GSTM4: variants seen among roughly 807,000 people sequenced by gnomAD.
GSTM4 encodes the protein GST class-mu 4.
A neutral mutation model predicts 30.1 loss-of-function variants in GSTM4; 27 were observed. The observed-to-expected ratio is 0.90, with a 90% confidence interval of 0.66 to 1.24. The LOEUF (loss-of-function observed/expected upper bound fraction) is 1.24, where lower values mean the gene tolerates loss of function less well. Ranked by LOEUF, GSTM4 falls within the 50% of genes most tolerant of loss-of-function variation. The pLI is 0.00. For synonymous variants in GSTM4, 94 were observed against 96.2 expected (o/e 0.98, Z 0.13); for missense variants, 238 against 272.1 (o/e 0.87, Z 0.88).
downstream of GSTM4, among the ~76,000 whole-genome samples, chr1:109,663,395 C>T (rs1056637933): frequency 6.6e-6 from 1 of 152,064 alleles, no homozygotes; most frequent in Non-Finnish European, 1.5e-5. Context: ...TGGCCAGGTG[C>T]GGTGGCTCAC....
chr1:109,666,177 A>G (rs1009813419), downstream of GSTM4, among the ~76,000 whole-genome samples: 1 of 151,848 alleles, frequency 6.6e-6, no homozygotes, highest in African/African-American at 2.4e-5. Context: ...TGCAGCCTCG[A>G]CTTCTCAGGC....
chr1:109,665,046 C>T (rs778742471), downstream of GSTM4: 2 of 1,501,678 alleles, frequency 1.3e-6, no homozygotes, highest in East Asian at 2.3e-5. Flanking sequence ...CAATTTTCTG[C>T]ATCAACTTGA....
intron 2 of GSTM4, 107 bp downstream of exon 2, chr1:109,656,894 T>C: frequency 8.7e-7 from 1 of 1,155,002 alleles, no homozygotes; most frequent in South Asian, 1.2e-5. Context: ...CTGCTGGAGC[T>C]GCAGGCTGTC....
In GSTM4 at chr1:109,659,020, C is replaced by T. The variant is rs371117679; in HGVS notation, c.477C>T (p.Leu159=). 74 of 1,614,100 alleles carry T rather than the reference C, an allele frequency of 4.6e-5. No homozygotes were observed. The highest frequency in any genetic ancestry group is 5.6e-5 in the Non-Finnish European group (66 of 1,180,052). ...VGDKITFVDF[L]AYDVLDLHRI... ...TGCAGATCACCTTTGTAGATTTCCT[C>T]GCCTATGATGTCCTTGACCTCCACC... The change falls in exon 7 of 8, where the codon CTC becomes CTT. Residue 159 remains leucine (L), a synonymous_variant. Coordinates refer to ENST00000369836, the MANE Select transcript of GSTM4 (RefSeq NM_000850.5).
chr1:109,666,461 A>G (rs537077701), downstream of GSTM4, among the ~76,000 whole-genome samples: 2 of 152,260 alleles, frequency 1.3e-5, no homozygotes, highest in African/African-American at 4.8e-5. Flanking sequence ...ACTGGCAGAG[A>G]GAGTCCCATA....
Position 109,661,605 on chromosome 1 carries a change from C to T in GSTM4, c.*351C>T, listed in dbSNP as rs142639069. ...GTGGAGCTCAGCCCTGAGCTGTCCCCGTGTTGCATGACAGCATTGACTGGT... is the reference window on the plus strand; with the variant it reads ...GTGGAGCTCAGCCCTGAGCTGTCCCTGTGTTGCATGACAGCATTGACTGGT... On this transcript the variant is annotated 3_prime_UTR_variant, in exon 8 of 8. Coordinates refer to ENST00000369836, the MANE Select transcript of GSTM4 (RefSeq NM_000850.5). The T allele has an allele frequency of 5.2e-3, 6,424 of 1,226,898 alleles. 22 individuals are homozygous for T. Among genetic ancestry groups the T allele is most frequent in the Middle Eastern group, 8.1e-3 (24 of 2,964 alleles). 76.0% of individuals were successfully genotyped at this position (1,226,898 alleles called of 1,614,324 possible).
intron 2 of GSTM4, 159 bp from the exon 3 acceptor site, chr1:109,657,056 C>A (rs975964518): frequency 2.4e-6 from 2 of 826,004 alleles, no homozygotes; most frequent in Non-Finnish European, 2.1e-6. Context: ...GAGCCCTCAG[C>A]GGGATTCTTT....
intron 1 of GSTM4, 80 bp from the exon 2 acceptor site, chr1:109,656,632 A>T: frequency 7.7e-7 from 1 of 1,299,194 alleles, no homozygotes; most frequent in Non-Finnish European, 1.1e-6. Flanking sequence ...AGTGTAGACT[A>T]GGGGCTCACC....
At chr1:109,665,202 G>A, downstream of GSTM4, 1 of 654,046 alleles carries the variant, frequency 1.5e-6, no homozygotes, top group Admixed American at 2.4e-5. Context: ...GGCCCAGAGA[G>A]AAGAAAAAGA....
chr1:109,657,178 G>T, intron 2 of GSTM4, 37 bp from the exon 3 acceptor site: 1 of 1,609,532 alleles, frequency 6.2e-7, no homozygotes, highest in Non-Finnish European at 8.5e-7. Context: ...GCTGGGCTCT[G>T]GGGAGGTTTG....
intron 5 of GSTM4, chr1:109,658,496 T>G: frequency 5.8e-6 from 2 of 346,534 alleles, no homozygotes; most frequent in East Asian, 5.6e-5. Flanking sequence ...GTATCCTTGA[T>G]TTTGCTCATG....
rs775211248 is a variant in GSTM4, at chr1:109,657,879, C to G, written c.360+7C>G. 1 of 1,612,080 alleles carries G rather than the reference C, an allele frequency of 6.2e-7. No individual in the cohort carries two copies. Among genetic ancestry groups the G allele is most frequent in the Non-Finnish European group, 8.5e-7 (1 of 1,178,106 alleles). On this transcript the variant is annotated splice_region_variant and intron_variant, in intron 5 of 7. Coordinates refer to ENST00000369836, the MANE Select transcript of GSTM4 (RefSeq NM_000850.5). The stretch of plus-strand genomic sequence containing the variant: ...CTGCTACAGCCCTGACTTTGTGAGT[C>G]CCTCCCTGGTCTGGACCAGAAGCCA...
chr1:109,657,314 G>A lies in GSTM4; in HGVS notation c.177+35G>A, dbSNP rs748592285. The A allele has an allele frequency of 2.5e-5, 40 of 1,606,818 alleles. No homozygotes were observed. In the South Asian group the frequency reaches 4.2e-4, roughly 17 times the overall value. On this transcript the variant is annotated intron_variant, in intron 3 of 7. Coordinates refer to ENST00000369836, the MANE Select transcript of GSTM4 (RefSeq NM_000850.5). ...GGGGAAGGGGCGGTTTTGGGGGAAA[G>A]TGCGACGTGTCTCTGACTGCATCTC... is the stretch of plus-strand genomic sequence containing the variant.
At chr1:109,660,342 G>A (rs551370087) in intron 7 of GSTM4, 1 of 154,002 alleles carries the variant, frequency 6.5e-6, no homozygotes, top group African/African-American at 2.4e-5. Context: ...ATTTGATCCT[G>A]GAAAGATCGT....
chr1:109,665,014 TC>T, downstream of GSTM4: 1 of 1,606,428 alleles, frequency 6.2e-7, no homozygotes, highest in East Asian at 2.2e-5. Flanking sequence ...GTTCTAGGTT[TC>T]CTGTGGCATA....
Position 109,657,777 on chromosome 1 carries a change from G to A in GSTM4, c.265G>A (p.Glu89Lys). Residue 89 changes from glutamate to lysine, a missense_variant, in exon 5 of 8, where the codon GAG (glutamate) becomes AAG (lysine). Transcript: ENST00000369836. ...YIARKHNLCG[E>K]TEEEKIRVDI... ...CTGTGTTTTGTGGGTGGCAGGTGGG[G>A]AGACAGAAGAGGAGAAGATTCGTGT... 1 of 1,614,214 alleles carries A rather than the reference G, an allele frequency of 6.2e-7. No homozygotes were observed. The highest frequency in any genetic ancestry group is 2.2e-5 in the East Asian group (1 of 44,874).
chr1:109,658,207 T>C, intron 5 of GSTM4: 1 of 354,404 alleles, frequency 2.8e-6, no homozygotes, highest in Non-Finnish European at 5.3e-6. Context: ...AGACTCACAC[T>C]ATGGGGTAAA....
chr1:109,663,733 G>A (rs1652381074), downstream of GSTM4, among the ~76,000 whole-genome samples: 2 of 152,220 alleles, frequency 1.3e-5, no homozygotes, highest in East Asian at 3.9e-4. Context: ...TCAATGAAAA[G>A]CATGCTCATA....
intron 5 of GSTM4, chr1:109,658,213 G>T (rs1325051322): frequency 8.8e-6 from 3 of 340,634 alleles, no homozygotes; most frequent in Admixed American, 4.3e-5. Flanking sequence ...ACACTATGGG[G>T]TAAAGAAGTA....
Sources: gnomAD v4.1 joint callset for allele counts (sites outside exome capture counted in the v4.1 genomes callset) on GRCh38, gnomAD v4.1.1 for gene constraint, MANE v1.5 for transcripts, NCBI Gene and HGNC (gene_info 2026-07-23, HGNC 2026-07-21) for gene names.